Variants in CDH4 observed in about 807,000 individuals in gnomAD.
CDH4 encodes cadherin-4.
A neutral mutation model predicts 86.0 loss-of-function variants in CDH4; 33 were observed. The ratio of observed to expected loss-of-function variants is 0.38; its 90% CI spans 0.29 to 0.51. The LOEUF (loss-of-function observed/expected upper bound fraction) is 0.51, where lower values mean the gene tolerates loss of function less well. Among genes scored for constraint, CDH4 ranks in the 20% least tolerant of loss-of-function variants. The probability of loss-of-function intolerance (pLI) is 0.86; values close to 1 mark genes in which losing one functional copy is unlikely to be tolerated. For synonymous variants in CDH4, 555 were observed against 549.4 expected (o/e 1.01, Z -0.14); for missense variants, 1,114 against 1,307.4 (o/e 0.85, Z 2.28).
intron 2 of CDH4, among the ~76,000 whole-genome samples, chr20:61,711,342 A>T (rs1262245139): frequency 1.3e-5 from 2 of 152,198 alleles, no homozygotes; most frequent in Admixed American, 1.3e-4. Context: ...TTTACAAATC[A>T]CCCAGTCTCA....
intron 2 of CDH4, among the ~76,000 whole-genome samples, chr20:61,701,325 A>G (rs1041279082): frequency 1.4e-4 from 22 of 152,208 alleles, no homozygotes; most frequent in Admixed American, 2.6e-4. Flanking sequence ...TGGAATTTCA[A>G]TGTATGAATT....
chr20:61,673,501 C>T (rs563621801), intron 2 of CDH4, among the ~76,000 whole-genome samples: 3 of 152,334 alleles, frequency 2.0e-5, no homozygotes, highest in African/African-American at 7.2e-5. Flanking sequence ...AGGAGCCTGG[C>T]GGTTTTCACC....
At chr20:61,936,396 CA>C (rs1234463820) in intron 15 of CDH4, among the ~76,000 whole-genome samples, 1 of 8,204 alleles carries the variant, frequency 1.2e-4, no homozygotes, top group Admixed American at 8.6e-4. Context: ...CCCTCCCCCA[CA>C]CCCCCTCCCC....
chr20:61,428,583 TA>T (rs767709321), intron 2 of CDH4, among the ~76,000 whole-genome samples: 2 of 152,168 alleles, frequency 1.3e-5, no homozygotes, highest in Non-Finnish European at 2.9e-5. Context: ...CAGTGTTCAA[TA>T]AGAACAAACC....
intron 2 of CDH4, among the ~76,000 whole-genome samples, chr20:61,680,546 AG>A (rs1337384859): frequency 6.6e-6 from 1 of 152,174 alleles, no homozygotes; most frequent in Non-Finnish European, 1.5e-5. Context: ...ATGGGAAGGA[AG>A]GGCAGAAATG....
intron 3 of CDH4, among the ~76,000 whole-genome samples, chr20:61,763,091 C>T (rs916546471): frequency 1.3e-5 from 2 of 152,224 alleles, no homozygotes; most frequent in African/African-American, 4.8e-5. Flanking sequence ...GGCGGGATGA[C>T]AAGTGAGGGA....
chr20:61,332,890 G>C (rs2084591260), intron 2 of CDH4, among the ~76,000 whole-genome samples: 1 of 152,192 alleles, frequency 6.6e-6, no homozygotes, highest in African/African-American at 2.4e-5. Flanking sequence ...CATCACCCTG[G>C]CTTTCTGCTC....
At chr20:61,287,423 T>A (rs2084299320) in intron 2 of CDH4, among the ~76,000 whole-genome samples, 1 of 152,050 alleles carries the variant, frequency 6.6e-6, no homozygotes, top group Admixed American at 6.5e-5. Flanking sequence ...TGCAGTGAGC[T>A]GTGATTATGC....
intron 2 of CDH4, among the ~76,000 whole-genome samples, chr20:61,312,114 G>A (rs1422702600): frequency 1.2e-4 from 4 of 32,216 alleles, no homozygotes; most frequent in African/African-American, 3.2e-4. Context: ...GATGTGTGGT[G>A]TGTGCATGTG....
chr20:61,348,651 A>G (rs965515138), intron 2 of CDH4, among the ~76,000 whole-genome samples: 3 of 152,202 alleles, frequency 2.0e-5, no homozygotes, highest in Admixed American at 6.5e-5. Context: ...TCTTCTTTCA[A>G]TAATCTGGCT....
rs559246866 is a variant in CDH4, at chr20:61,936,729, A to AC, written c.2545-3dup. Reference sequence around the variant, plus strand: ...CCTGCACCCTAACTCTGTGTCTGTGACCCCCAGGGACTCCGCGCTGCTGAC... The same window carrying AC: ...CCTGCACCCTAACTCTGTGTCTGTGACCCCCCAGGGACTCCGCGCTGCTGAC... On this transcript the variant is annotated splice_polypyrimidine_tract_variant and splice_region_variant and intron_variant, in intron 15 of 15. Coordinates refer to ENST00000614565, the MANE Select transcript of CDH4 (RefSeq NM_001794.5). 7.1e-4 allele frequency: 1,081 copies of AC among 1,520,150 alleles called. 7 individuals are homozygous for AC. The African/African-American group carries it at 0.013, about 19-fold the overall frequency. 94.2% of individuals were successfully genotyped at this position (1,520,150 alleles called of 1,614,324 possible). A position where few individuals can be genotyped will look rare whatever the true frequency, so the allele number is the denominator to read the frequency against.
chr20:61,277,784 A>C (rs1430414127), intron 2 of CDH4, among the ~76,000 whole-genome samples: 1 of 152,228 alleles, frequency 6.6e-6, no homozygotes, highest in Non-Finnish European at 1.5e-5. Context: ...ATTGGATAAC[A>C]ATGACAATTA....
At chr20:61,496,334 G>T (rs570743330) in intron 2 of CDH4, among the ~76,000 whole-genome samples, 1 of 151,950 alleles carries the variant, frequency 6.6e-6, no homozygotes, top group South Asian at 2.1e-4. Flanking sequence ...CCAGGAGGAA[G>T]TTGAGGCTGC....
chr20:61,634,301 G>A (rs1051286275), intron 2 of CDH4, among the ~76,000 whole-genome samples: 36 of 152,124 alleles, frequency 2.4e-4, no homozygotes, highest in African/African-American at 6.5e-4. Context: ...GAACACACAC[G>A]CAGCACCTTC....
At chr20:61,904,319 G>T (rs939390844) in intron 8 of CDH4, among the ~76,000 whole-genome samples, 2 of 152,156 alleles carry the variant, frequency 1.3e-5, no homozygotes, top group Admixed American at 1.3e-4. Context: ...TGGAGCATGG[G>T]GGTCACCAGG....
intron 2 of CDH4, among the ~76,000 whole-genome samples, chr20:61,585,982 A>G (rs201306748): frequency 4.3e-5 from 6 of 141,002 alleles, no homozygotes; most frequent in African/African-American, 1.0e-4. Flanking sequence ...TGATGTGATG[A>G]TGATGGTGAT....
intron 2 of CDH4, among the ~76,000 whole-genome samples, chr20:61,605,571 C>G (rs575565641): frequency 6.6e-6 from 1 of 151,952 alleles, no homozygotes; most frequent in African/African-American, 2.4e-5. Flanking sequence ...CTCCCTCTCT[C>G]TGTCTCTGCC....
Position 61,902,478 on chromosome 20 carries a change from C to T in CDH4, c.1188+7431C>T, listed in dbSNP as rs1600755436. ...CACAGAGGAGCGTGCGGGGCCCCAC[C>T]TTCCCAGGGATTTGCAGGCAAATGA... On this transcript the variant is annotated intron_variant, in intron 8 of 15. Transcript: ENST00000614565. The surrounding 1 kb of genome is among the most constrained non-coding windows in gnomAD (Gnocchi z 4.6). 6.6e-6 allele frequency among the ~76,000 whole-genome samples: 1 copy of T among 152,368 alleles called. No homozygotes were observed. Among genetic ancestry groups the T allele is most frequent in the Non-Finnish European group, 1.5e-5 (1 of 68,034 alleles).
intron 2 of CDH4, among the ~76,000 whole-genome samples, chr20:61,613,315 C>A (rs912600954): frequency 6.6e-6 from 1 of 152,122 alleles, no homozygotes; most frequent in African/African-American, 2.4e-5. Context: ...TGGGAGGCTT[C>A]ATTCTGAGTT....
Sources: allele counts gnomAD v4.1 joint callset (sites outside exome capture counted in the v4.1 genomes callset), GRCh38; gene constraint gnomAD v4.1.1; non-coding constraint Gnocchi (gnomAD v3.1); transcripts MANE v1.5; gene names NCBI Gene and HGNC (gene_info 2026-07-23, HGNC 2026-07-21).